Variants in PDE8B observed in about 807,000 individuals in gnomAD.
PDE8B encodes the protein high affinity cAMP-specific and IBMX-insensitive 3',5'-cyclic phosphodiesterase 8B.
Under a neutral mutation model 101.3 loss-of-function variants are expected in PDE8B, and 26 were observed. The ratio of observed to expected loss-of-function variants is 0.26; its 90% CI spans 0.19 to 0.36. PDE8B has a LOEUF of 0.36. Ranked by LOEUF, PDE8B falls within the 10% of genes least tolerant of loss-of-function variation. The pLI is 1.00. For missense variants in PDE8B, 810 were observed against 1,163.1 expected (o/e 0.70, Z 4.42); for synonymous variants, 424 against 429.3 (o/e 0.99, Z 0.15).
At chr5:77,400,942 C>T (rs1033592456) in intron 11 of PDE8B, among the ~76,000 whole-genome samples, 5 of 152,132 alleles carry the variant, frequency 3.3e-5, no homozygotes, top group African/African-American at 1.2e-4. Context: ...ATTCTTTGCC[C>T]TGTTGGTGGC....
At position 77,412,097 on chromosome 5, in the gene PDE8B, C is replaced by G. The variant is rs1387878775; in HGVS notation, c.1577-3C>G. The stretch of plus-strand genomic sequence containing the variant: ...GCCTCCCCCATCCCATCTGTTTGCT[C>G]AGATGTGCACCAGAGTCACAGTCAC... On this transcript the variant is annotated splice_polypyrimidine_tract_variant and splice_region_variant and intron_variant, in intron 15 of 21. Transcript: ENST00000264917. 1 of 1,614,070 alleles carries G rather than the reference C, an allele frequency of 6.2e-7. No homozygotes were observed. Among genetic ancestry groups the G allele is most frequent in the Non-Finnish European group, 8.5e-7 (1 of 1,179,984 alleles).
intron 10 of PDE8B, among the ~76,000 whole-genome samples, chr5:77,357,204 A>G (rs1322787393): frequency 6.6e-6 from 1 of 152,212 alleles, no homozygotes; most frequent in Non-Finnish European, 1.5e-5. Context: ...AGGGGACACC[A>G]CAGCCCTCAG....
At chr5:77,172,456 C>G in the PDE8B span, among the ~76,000 whole-genome samples, 5 of 152,204 alleles carry the variant, frequency 3.3e-5, no homozygotes, top group East Asian at 9.6e-4. Flanking sequence ...CTTCTAGTAA[C>G]TTTTATGCCA....
intron 1 of PDE8B, among the ~76,000 whole-genome samples, chr5:77,216,620 GGTTATGGGAAGCTGAGAAACCAGGGTA>G (rs1749800131): frequency 2.0e-5 from 3 of 152,262 alleles, no homozygotes; most frequent in Non-Finnish European, 2.9e-5. Context: ...ATATCAGGGT[GGTTATGGGAAGCTGAGAAACCAGGGTA>G]GTTATGGGAA....
the PDE8B span, chr5:77,151,788 T>C: frequency 6.6e-6 from 1 of 152,232 alleles, no homozygotes; most frequent in African/African-American, 2.4e-5. Flanking sequence ...TTTGAAGGCT[T>C]AGGGACTGGT....
the PDE8B span, among the ~76,000 whole-genome samples, chr5:77,090,490 G>T: frequency 6.6e-6 from 1 of 152,134 alleles, no homozygotes; most frequent in South Asian, 2.1e-4. Flanking sequence ...AGCCAGTATG[G>T]TCTCGATCTC....
At chr5:77,335,674 C>T (rs1310437293) in intron 5 of PDE8B, among the ~76,000 whole-genome samples, 1 of 152,096 alleles carries the variant, frequency 6.6e-6, no homozygotes, top group African/African-American at 2.4e-5. Context: ...TTCTCCTCCT[C>T]CACTTATATA....
At chr5:77,281,158 A>G (rs140940147) in intron 1 of PDE8B, among the ~76,000 whole-genome samples, 1 of 152,104 alleles carries the variant, frequency 6.6e-6, no homozygotes, top group Non-Finnish European at 1.5e-5. Flanking sequence ...CTTGGCCTCT[A>G]CCTCAGCTCC....
At chr5:77,327,014 T>G (rs1344565332) in intron 3 of PDE8B, among the ~76,000 whole-genome samples, 1 of 152,252 alleles carries the variant, frequency 6.6e-6, no homozygotes, top group African/African-American at 2.4e-5. Context: ...CTGTGTTAGC[T>G]GCACAGAAAA....
intron 1 of PDE8B, among the ~76,000 whole-genome samples, chr5:77,225,417 G>A (rs1002054954): frequency 1.3e-5 from 2 of 152,110 alleles, no homozygotes; most frequent in African/African-American, 4.8e-5. Flanking sequence ...GAGTAGCCAC[G>A]TTGGCTCCTG....
intron 1 of PDE8B, among the ~76,000 whole-genome samples, chr5:77,229,555 C>T (rs1753118415): frequency 6.6e-6 from 1 of 152,120 alleles, no homozygotes; most frequent in Non-Finnish European, 1.5e-5. Context: ...CTAACACCTC[C>T]AAAAGAAACC....
intron 10 of PDE8B, among the ~76,000 whole-genome samples, chr5:77,365,468 C>T (rs953142148): frequency 2.6e-5 from 4 of 152,198 alleles, no homozygotes; most frequent in Non-Finnish European, 5.9e-5. Flanking sequence ...GTATAATTCT[C>T]ACAAGGAAGA....
At chr5:77,259,371 G>C (rs569091366) in intron 1 of PDE8B, among the ~76,000 whole-genome samples, 1 of 152,032 alleles carries the variant, frequency 6.6e-6, no homozygotes, top group Non-Finnish European at 1.5e-5. Context: ...CTATCTTCTT[G>C]CCCTCTCCCT....
At chr5:77,371,639 T>C (rs1785099153) in intron 10 of PDE8B, among the ~76,000 whole-genome samples, 1 of 152,220 alleles carries the variant, frequency 6.6e-6, no homozygotes, top group Admixed American at 6.5e-5. Context: ...GCTGAGTTTA[T>C]TTTTAGGATT....
chr5:77,398,812 G>A (rs533166292), intron 10 of PDE8B, among the ~76,000 whole-genome samples: 1 of 152,328 alleles, frequency 6.6e-6, no homozygotes, highest in East Asian at 1.9e-4. Flanking sequence ...TGAAGTGTGA[G>A]CCACACCATT....
chr5:77,363,247 G>A (rs1453735538), intron 10 of PDE8B, among the ~76,000 whole-genome samples: 1 of 152,204 alleles, frequency 6.6e-6, no homozygotes, highest in Non-Finnish European at 1.5e-5. Context: ...CACATGGGAT[G>A]CGTGTGGCAG....
chr5:77,419,689 G>C, intron 18 of PDE8B, 78 bp from the exon 19 acceptor site: 1 of 1,532,342 alleles, frequency 6.5e-7, no homozygotes, highest in Non-Finnish European at 9.0e-7. Context: ...GTTGTGAGGA[G>C]TGTAGTGAAA....
chr5:77,371,929 A>AG (rs1235542218), intron 10 of PDE8B, among the ~76,000 whole-genome samples: 1 of 152,190 alleles, frequency 6.6e-6, no homozygotes, highest in Non-Finnish European at 1.5e-5. Context: ...TGCCGGGTGC[A>AG]GTGGCTCACG....
At chr5:77,306,036 C>T (rs1771131577) in intron 1 of PDE8B, among the ~76,000 whole-genome samples, 1 of 152,128 alleles carries the variant, frequency 6.6e-6, no homozygotes, top group Non-Finnish European at 1.5e-5. Flanking sequence ...CCACCCCCAC[C>T]TGGACACACA....
Sources: gnomAD v4.1 joint callset for allele counts (sites outside exome capture counted in the v4.1 genomes callset) on GRCh38, gnomAD v4.1.1 for gene constraint, MANE v1.5 for transcripts, NCBI Gene and HGNC (gene_info 2026-07-23, HGNC 2026-07-21) for gene names.